Variants in UBE2E2 observed in about 807,000 individuals in gnomAD.
UBE2E2 encodes the protein ubiquitin-conjugating enzyme E2 E2.
In UBE2E2, 6 loss-of-function variants were observed where a neutral mutation model predicts 24.7. That is an observed-to-expected ratio of 0.24 (90% CI 0.13 to 0.48). The LOEUF (loss-of-function observed/expected upper bound fraction) is 0.48, where lower values mean the gene tolerates loss of function less well. Ranked by LOEUF, UBE2E2 falls within the 20% of genes least tolerant of loss-of-function variation. The pLI is 0.99. For missense variants in UBE2E2, 169 were observed against 245.0 expected, an observed-to-expected ratio of 0.69 and a Z score of 2.07; for synonymous variants, 104 against 83.6, an observed-to-expected ratio of 1.24 and a Z score of -1.33.
intron 4 of UBE2E2, among the ~76,000 whole-genome samples, chr3:23,515,998 C>A (rs11715736): frequency 0.21 from 31,324 of 151,880 alleles, 3,232 homozygotes; most frequent in Middle Eastern, 0.24. Flanking sequence ...TAAAAAGGAG[C>A]AACCAGATTA....
intron 5 of UBE2E2, among the ~76,000 whole-genome samples, chr3:23,533,874 G>GC (rs1285609671): frequency 2.6e-5 from 4 of 151,788 alleles, no homozygotes; most frequent in African/African-American, 9.7e-5. Context: ...GCCCGCTTTG[G>GC]CCCCCCAAAG....
chr3:23,588,529 G>A (rs1311453423), intron 5 of UBE2E2, among the ~76,000 whole-genome samples: 1 of 151,032 alleles, frequency 6.6e-6, no homozygotes, highest in South Asian at 2.1e-4. Context: ...CGATCCTGCT[G>A]CCTCAGCCTC....
chr3:23,349,386 A>G (rs969015244), intron 3 of UBE2E2, among the ~76,000 whole-genome samples: 1 of 152,164 alleles, frequency 6.6e-6, no homozygotes, highest in African/African-American at 2.4e-5. Context: ...TGGGCACAGG[A>G]CAGTGGGTGC....
chr3:23,350,323 G>A (rs1246135713), intron 3 of UBE2E2, among the ~76,000 whole-genome samples: 1 of 152,194 alleles, frequency 6.6e-6, no homozygotes, highest in Non-Finnish European at 1.5e-5. Flanking sequence ...CTAAAAAGCA[G>A]AGCACCTCTC....
chr3:23,521,157 C>G (rs113528732), intron 4 of UBE2E2, among the ~76,000 whole-genome samples: 5,137 of 152,116 alleles, frequency 0.034, 109 homozygotes, highest in Non-Finnish European at 0.05. Context: ...TGGAGTAATC[C>G]TGTACATTAT....
chr3:23,377,122 T>C (rs1696543576), intron 3 of UBE2E2, among the ~76,000 whole-genome samples: 1 of 152,202 alleles, frequency 6.6e-6, no homozygotes, highest in Non-Finnish European at 1.5e-5. Context: ...TGCAGCTGAC[T>C]GGCATTGGGT....
intron 3 of UBE2E2, among the ~76,000 whole-genome samples, chr3:23,362,154 TGATCTGAGAAAC>T (rs1398134759): frequency 6.6e-6 from 1 of 152,116 alleles, no homozygotes. Flanking sequence ...TGTAGGCTGA[TGATCTGAGAAAC>T]CACATTAGGG....
At chr3:23,277,875 AT>A (rs760701989) in intron 3 of UBE2E2, among the ~76,000 whole-genome samples, 38 of 152,102 alleles carry the variant, frequency 2.5e-4, no homozygotes, top group Non-Finnish European at 4.0e-4. Context: ...TTGAGGACTG[AT>A]TTCTAGACTA....
At chr3:23,495,776 C>T (rs1387743798) in intron 3 of UBE2E2, among the ~76,000 whole-genome samples, 2 of 152,128 alleles carry the variant, frequency 1.3e-5, no homozygotes, top group Admixed American at 6.5e-5. Context: ...TCTGTCTATG[C>T]CTCATTGCCA....
intron 3 of UBE2E2, among the ~76,000 whole-genome samples, chr3:23,314,077 T>C (rs1219691784): frequency 6.6e-6 from 1 of 152,184 alleles, no homozygotes; most frequent in Non-Finnish European, 1.5e-5. Flanking sequence ...CTTTTTGCTG[T>C]TTTTACTTAT....
intron 2 of UBE2E2, among the ~76,000 whole-genome samples, chr3:23,213,912 G>C (rs575120580): frequency 2.4e-4 from 37 of 152,210 alleles, no homozygotes; most frequent in African/African-American, 8.9e-4. Context: ...CACCCTAAGA[G>C]ACAGTGCCTG....
At chr3:23,333,434 A>G (rs1489399786) in intron 3 of UBE2E2, among the ~76,000 whole-genome samples, 2 of 152,274 alleles carry the variant, frequency 1.3e-5, no homozygotes, top group Middle Eastern at 3.4e-3. Context: ...GATGTTTCAT[A>G]TCAGCAGTAG....
At chr3:23,543,849 G>A (rs999333950) in intron 5 of UBE2E2, among the ~76,000 whole-genome samples, 5 of 152,136 alleles carry the variant, frequency 3.3e-5, no homozygotes, top group Admixed American at 6.6e-5. Context: ...CAACAGCATG[G>A]TATTGTTATA....
intron 4 of UBE2E2, among the ~76,000 whole-genome samples, chr3:23,502,278 C>A (rs2125457816): frequency 6.7e-6 from 1 of 149,542 alleles, no homozygotes; most frequent in South Asian, 2.1e-4. Flanking sequence ...ATTCCTGCAA[C>A]ATTTCCCAAT....
chr3:23,581,891 A>T (rs1348867396), intron 5 of UBE2E2, among the ~76,000 whole-genome samples: 1 of 152,082 alleles, frequency 6.6e-6, no homozygotes, highest in Non-Finnish European at 1.5e-5. Context: ...CTTACCACTT[A>T]GCTGCTGCTT....
At chr3:23,561,503 T>C (rs900722629) in intron 5 of UBE2E2, among the ~76,000 whole-genome samples, 7 of 152,098 alleles carry the variant, frequency 4.6e-5, no homozygotes, top group Non-Finnish European at 8.8e-5. Flanking sequence ...AGTCAGGTAG[T>C]GTGATGCCTC....
chr3:23,346,611 G>A (rs1025827509), intron 3 of UBE2E2, among the ~76,000 whole-genome samples: 2 of 152,142 alleles, frequency 1.3e-5, no homozygotes, highest in African/African-American at 2.4e-5. Flanking sequence ...TTAATAAGAT[G>A]TTCTCTTTTA....
intron 5 of UBE2E2, among the ~76,000 whole-genome samples, chr3:23,576,810 G>T (rs117111326): frequency 6.6e-6 from 1 of 152,286 alleles, no homozygotes; most frequent in East Asian, 1.9e-4. Context: ...TTGAATGAGT[G>T]CATGGGCTCC....
At chr3:23,381,919 G>A (rs1696679690) in intron 3 of UBE2E2, among the ~76,000 whole-genome samples, 1 of 152,120 alleles carries the variant, frequency 6.6e-6, no homozygotes, top group Non-Finnish European at 1.5e-5. Flanking sequence ...GGTGGGAGGC[G>A]GAATGGCTGC....
Sources: allele counts gnomAD v4.1 joint callset (sites outside exome capture counted in the v4.1 genomes callset), GRCh38; gene constraint gnomAD v4.1.1; transcripts MANE v1.5; gene names NCBI Gene and HGNC (gene_info 2026-07-23, HGNC 2026-07-21).